NCOA2: variants seen among roughly 807,000 people sequenced by gnomAD.
NCOA2 encodes the protein class E basic helix-loop-helix protein 75.
In NCOA2, 21 loss-of-function variants were observed where a neutral mutation model predicts 145.1. The ratio of observed to expected loss-of-function variants is 0.14; its 90% CI spans 0.10 to 0.21. NCOA2 has a LOEUF of 0.21. Ranked by LOEUF, NCOA2 falls within the 10% of genes least tolerant of loss-of-function variation. NCOA2 has a pLI of 1.00. For missense variants in NCOA2, 1,472 were observed against 1,837.6 expected (o/e 0.80, Z 3.64); for synonymous variants, 619 against 637.5 (o/e 0.97, Z 0.44).
chr8:70,155,323 C>T (rs934758070), intron 11 of NCOA2, among the ~76,000 whole-genome samples: 13 of 152,116 alleles, frequency 8.5e-5, no homozygotes, highest in African/African-American at 2.9e-4. Context: ...AGAGGTAGAA[C>T]GACCTTCATT....
intron 2 of NCOA2, among the ~76,000 whole-genome samples, chr8:70,280,192 ACCCCT>A (rs1563716651): frequency 6.6e-6 from 1 of 152,250 alleles, no homozygotes; most frequent in East Asian, 1.9e-4. Flanking sequence ...AGAAGCCATA[ACCCCT>A]TGCCTCAGAG....
intron 4 of NCOA2, among the ~76,000 whole-genome samples, chr8:70,205,615 A>G (rs1818353376): frequency 6.6e-6 from 1 of 152,096 alleles, no homozygotes; most frequent in South Asian, 2.1e-4. Flanking sequence ...GGAAAAAAAA[A>G]GAGGCATTCC....
intron 4 of NCOA2, among the ~76,000 whole-genome samples, chr8:70,195,210 C>T (rs1817157711): frequency 6.6e-6 from 1 of 152,184 alleles, no homozygotes; most frequent in Non-Finnish European, 1.5e-5. Context: ...ATGTGACAGA[C>T]TTTGCTAGTA....
intron 1 of NCOA2, among the ~76,000 whole-genome samples, chr8:70,299,799 T>C (rs1252083385): frequency 6.6e-6 from 1 of 152,238 alleles, no homozygotes; most frequent in Admixed American, 6.5e-5. Context: ...TTCATTTCTC[T>C]TGGGGAAGAG....
intron 2 of NCOA2, among the ~76,000 whole-genome samples, chr8:70,258,051 G>T (rs955699313): frequency 1.3e-5 from 2 of 152,036 alleles, no homozygotes; most frequent in Non-Finnish European, 2.9e-5. Context: ...CCCAGTAGCT[G>T]GGATCAGAGG....
rs185316413 is a variant in NCOA2, at chr8:70,348,614, T to C, written c.-76-51814A>G. On this transcript the variant is annotated intron_variant, in intron 1 of 22. Transcript: ENST00000452400. ...TGATAAGGGAGGTCATGTATACATATAGGGAGGTTGTAGCAGTAGAATGTA... is the reference window on the plus strand; with the variant it reads ...TGATAAGGGAGGTCATGTATACATACAGGGAGGTTGTAGCAGTAGAATGTA... Among the ~76,000 whole-genome samples, 6 of 152,170 alleles carry C rather than the reference T, an allele frequency of 3.9e-5. No individual in the cohort carries two copies. In the East Asian group the frequency reaches 5.8e-4, roughly 15 times the overall value.
chr8:70,321,940 C>A (rs138384029), intron 1 of NCOA2, among the ~76,000 whole-genome samples: 4,846 of 151,268 alleles, frequency 0.032, 247 homozygotes, highest in African/African-American at 0.11. Flanking sequence ...ACCAGCCAGG[C>A]AAACATGGTG....
At chr8:70,281,732 G>A (rs1372778896) in intron 2 of NCOA2, among the ~76,000 whole-genome samples, 1 of 152,124 alleles carries the variant, frequency 6.6e-6, no homozygotes, top group Non-Finnish European at 1.5e-5. Context: ...AAGGGTCAAT[G>A]CTCAAGAGCT....
intron 2 of NCOA2, among the ~76,000 whole-genome samples, chr8:70,285,368 CTAAGA>C (rs1178590284): frequency 5.3e-5 from 8 of 152,198 alleles, no homozygotes; most frequent in African/African-American, 1.9e-4. Context: ...CATACTTCAG[CTAAGA>C]TGATAACCAA....
chr8:70,312,808 T>A (rs1805248192), intron 1 of NCOA2, among the ~76,000 whole-genome samples: 1 of 151,790 alleles, frequency 6.6e-6, no homozygotes, highest in Non-Finnish European at 1.5e-5. Flanking sequence ...AATAGAGAAC[T>A]ATGGTAAAAA....
At chr8:70,250,748 TATTA>T (rs1227251484) in intron 2 of NCOA2, among the ~76,000 whole-genome samples, 1 of 152,188 alleles carries the variant, frequency 6.6e-6, no homozygotes, top group African/African-American at 2.4e-5. Flanking sequence ...ACCACATATT[TATTA>T]ATTAAAAATG....
chr8:70,149,803 A>C (rs1236215485), intron 11 of NCOA2, among the ~76,000 whole-genome samples: 1 of 152,208 alleles, frequency 6.6e-6, no homozygotes, highest in Non-Finnish European at 1.5e-5. Context: ...TTGATGTGTA[A>C]GTGGAAAACG....
Position 70,170,318 on chromosome 8 carries a change from T to G in NCOA2, c.425A>C (p.Asn142Thr). 1 of 1,607,792 alleles carries G rather than the reference T, an allele frequency of 6.2e-7. No individual in the cohort carries two copies. Among genetic ancestry groups the G allele is most frequent in the Non-Finnish European group, 8.5e-7 (1 of 1,176,898 alleles). The change falls in exon 6 of 23, where the codon AAT becomes ACT. Residue 142 changes from asparagine (N) to threonine (T), a missense_variant. Asn to Thr is a moderately conservative substitution (Grantham distance 65). This residue lies in a region of NCOA2 where 284 missense variants were observed against 467.8 expected (regional missense o/e 0.61). Transcript: ENST00000452400. ...GTTATACCTTAGATACTGTGTCACA[T>G]TCTCTGACACAAACACAACGTTGCC... ...LEGNVVFVSE[N>T]VTQYLRYNQE...
intron 2 of NCOA2, among the ~76,000 whole-genome samples, chr8:70,243,030 A>G (rs1822281909): frequency 1.3e-5 from 2 of 152,106 alleles, no homozygotes; most frequent in African/African-American, 2.4e-5. Flanking sequence ...AACTCTGATA[A>G]TAATACTGGG....
At chr8:70,114,223 A>G (rs1425153539) in intron 22 of NCOA2, among the ~76,000 whole-genome samples, 1 of 152,044 alleles carries the variant, frequency 6.6e-6, no homozygotes, top group Non-Finnish European at 1.5e-5. Flanking sequence ...ATGGGGTTTC[A>G]CCATGTTGGC....
chr8:70,454,312 G>C, the NCOA2 span, among the ~76,000 whole-genome samples: 1 of 152,120 alleles, frequency 6.6e-6, no homozygotes, highest in Non-Finnish European at 1.5e-5. Context: ...ATGACAGCTC[G>C]GCAGCTCTGA....
intron 1 of NCOA2, among the ~76,000 whole-genome samples, chr8:70,304,745 T>A (rs1827759516): frequency 6.6e-6 from 1 of 152,110 alleles, no homozygotes; most frequent in Non-Finnish European, 1.5e-5. Context: ...TCCACCCATC[T>A]TGGCCTCCCA....
chr8:70,279,477 G>C (rs1369440946), intron 2 of NCOA2, among the ~76,000 whole-genome samples: 1 of 152,072 alleles, frequency 6.6e-6, no homozygotes, highest in Non-Finnish European at 1.5e-5. Context: ...TAGGCTCTGG[G>C]GTTGATAAAA....
chr8:70,360,010 G>A (rs1810063771), intron 1 of NCOA2, among the ~76,000 whole-genome samples: 1 of 152,132 alleles, frequency 6.6e-6, no homozygotes, highest in Admixed American at 6.5e-5. Context: ...CCTTAGGAAA[G>A]AGAAACAGAT....
Sources: allele counts gnomAD v4.1 joint callset (sites outside exome capture counted in the v4.1 genomes callset), GRCh38; gene constraint gnomAD v4.1.1; regional missense constraint gnomAD v4.1.1; transcripts MANE v1.5; gene names NCBI Gene and HGNC (gene_info 2026-07-23, HGNC 2026-07-21).